The following MARCHF6 variants were observed in gnomAD, a reference collection of about 807,000 sequenced individuals.
The protein encoded by MARCHF6 is membrane associated ring-CH-type finger 6, also known as E3 ubiquitin-protein ligase MARCHF6.
In MARCHF6, 31 loss-of-function variants were observed where a neutral mutation model predicts 133.7. The observed-to-expected ratio is 0.23, with a 90% CI of 0.17 to 0.31. The LOEUF (loss-of-function observed/expected upper bound fraction) is 0.31. Ranked by LOEUF, MARCHF6 falls within the 10% of genes least tolerant of loss-of-function variation. MARCHF6 has a pLI of 1.00. For synonymous variants in MARCHF6, 395 were observed against 402.5 expected (o/e 0.98, Z 0.22); for missense variants, 723 against 1,121.6 (o/e 0.64, Z 5.08).
intron 1 of MARCHF6, among the ~76,000 whole-genome samples, chr5:10,355,116 TAGTAAG>T (rs1428076287): frequency 2.6e-5 from 4 of 152,192 alleles, no homozygotes; most frequent in Non-Finnish European, 5.9e-5. Context: ...TTTACACAGG[TAGTAAG>T]AGGCAGATTT....
chr5:10,429,486 C>T (rs1740261047), intron 24 of MARCHF6, among the ~76,000 whole-genome samples: 1 of 151,568 alleles, frequency 6.6e-6, no homozygotes, highest in Admixed American at 6.6e-5. Flanking sequence ...GCAACCTCCA[C>T]CTCTCAGGTT....
rs1225722536 is a variant in MARCHF6, at chr5:10,435,117, T to G, written c.*1433T>G. On this transcript the variant is annotated 3_prime_UTR_variant, in exon 26 of 26. Transcript: ENST00000274140. ...TAGGTCTTCAGAAACTATAAAAGAATTTTCATATAGTATTAAAATCCATAG... is the reference window on the plus strand; with the variant it reads ...TAGGTCTTCAGAAACTATAAAAGAAGTTTCATATAGTATTAAAATCCATAG... 6.6e-6 allele frequency: 1 copy of G among 152,620 alleles called. No individual in the cohort carries two copies. Among genetic ancestry groups the G allele is most frequent in the African/African-American group, 2.4e-5 (1 of 41,458 alleles). The allele number at this position is 152,620 out of a possible 1,614,324, so 9.5% of individuals were successfully genotyped here.
intron 15 of MARCHF6, among the ~76,000 whole-genome samples, chr5:10,404,389 G>T (rs113417168): frequency 0.053 from 8,007 of 152,078 alleles, 710 homozygotes; most frequent in African/African-American, 0.18. Flanking sequence ...TTAGTTCTAT[G>T]TTTCTAATCT....
chr5:10,422,778 C>T (rs1348123114), intron 22 of MARCHF6, among the ~76,000 whole-genome samples: 1 of 145,058 alleles, frequency 6.9e-6, no homozygotes, highest in Non-Finnish European at 1.5e-5. Context: ...ACAATCTGAG[C>T]AAAGTCCATA....
At position 10,361,580 on chromosome 5, in the gene MARCHF6, A is replaced by C. The variant is rs151045110; in HGVS notation, c.19+7663A>C. Among the ~76,000 whole-genome samples the C allele has an allele frequency of 2.2e-4, 33 of 152,010 alleles. No homozygotes were observed. In the East Asian group the frequency reaches 6.2e-3, roughly 29 times the overall value. On this transcript the variant is annotated intron_variant, in intron 1 of 25. Coordinates refer to ENST00000274140, the MANE Select transcript of MARCHF6 (RefSeq NM_005885.4). ...CTAAGGACCTCATTTTAACTTAATT[A>C]CCTCTTTAAAGATCCTGTCTCCAAA...
intron 24 of MARCHF6, among the ~76,000 whole-genome samples, chr5:10,429,221 A>G (rs911127305): frequency 6.6e-6 from 1 of 152,186 alleles, no homozygotes; most frequent in African/African-American, 2.4e-5. Context: ...CCAAAGAAGT[A>G]TTAAAACTCA....
intron 4 of MARCHF6, among the ~76,000 whole-genome samples, chr5:10,384,405 T>C (rs1737344718): frequency 6.6e-6 from 1 of 151,106 alleles, no homozygotes; most frequent in Non-Finnish European, 1.5e-5. Flanking sequence ...GTATCTAGAG[T>C]ATATAAATCA....
rs917180759 is a variant in MARCHF6 at position 10,353,924 on chromosome 5, C to T, written c.19+7C>T. On this transcript the variant is annotated splice_region_variant and intron_variant, in intron 1 of 25. Coordinates refer to ENST00000274140, the MANE Select transcript of MARCHF6 (RefSeq NM_005885.4). Reference sequence around the variant, plus strand: ...ATGGACACCGCGGAGGAAGGTAAGTCGGCGACGCGCGGCGCCCGAGCCCTT... The same window carrying T: ...ATGGACACCGCGGAGGAAGGTAAGTTGGCGACGCGCGGCGCCCGAGCCCTT... The T allele has an allele frequency of 6.4e-6, 10 of 1,551,618 alleles. No homozygotes were observed. The highest frequency in any genetic ancestry group is 4.2e-5 in the African/African-American group (3 of 72,136).
rs751206175 is a variant in MARCHF6 at position 10,387,016 on chromosome 5, T to C, written c.357T>C (p.Phe119=). The change falls in exon 5 of 26, where the codon TTT becomes TTC. Residue 119 remains phenylalanine (F), a synonymous_variant. Transcript: ENST00000274140. ...LTACRIYKCL[F]TGSVSSLLTL... is the part of the protein sequence containing the mutation. ...TAGGCCGCATCTACAAGTGCTTGTT[T>C]ACTGGCTCCGTGAGCTCACTACTGA... The C allele has an allele frequency of 1.9e-5, 30 of 1,613,240 alleles. No homozygotes were observed. The highest frequency in any genetic ancestry group is 6.7e-5 in the Admixed American group (4 of 60,004).
intron 1 of MARCHF6, among the ~76,000 whole-genome samples, chr5:10,374,185 T>G (rs1212247532): frequency 6.6e-6 from 1 of 152,160 alleles, no homozygotes; most frequent in Non-Finnish European, 1.5e-5. Context: ...ATTAAAACAA[T>G]ATAGAACTCT....
intron 1 of MARCHF6, among the ~76,000 whole-genome samples, chr5:10,365,749 A>C (rs1736105134): frequency 6.6e-6 from 1 of 152,202 alleles, no homozygotes; most frequent in African/African-American, 2.4e-5. Context: ...GTAGCAATTA[A>C]ACACTATCTA....
chr5:10,366,788 A>G (rs910866465), intron 1 of MARCHF6, among the ~76,000 whole-genome samples: 12 of 152,232 alleles, frequency 7.9e-5, no homozygotes, highest in Non-Finnish European at 2.9e-5. Flanking sequence ...AGATGTACCT[A>G]ATCACAAGAA....
intron 22 of MARCHF6, among the ~76,000 whole-genome samples, chr5:10,423,444 T>G (rs1298568759): frequency 6.6e-6 from 1 of 152,236 alleles, no homozygotes; most frequent in Non-Finnish European, 1.5e-5. Flanking sequence ...GGCATTTATT[T>G]TATTTGCTTT....
At position 10,405,157 on chromosome 5, in the gene MARCHF6, G is replaced by A. The variant is rs779187400; in HGVS notation, c.1333-401G>A. 1.2e-3 allele frequency among the ~76,000 whole-genome samples: 183 copies of A among 152,248 alleles called. 1 individual carries two copies. Among genetic ancestry groups the A allele is most frequent in the Non-Finnish European group, 2.5e-3 (167 of 68,012 alleles). On this transcript the variant is annotated intron_variant, in intron 15 of 25. Transcript: ENST00000274140. ...CTCCTCCTTTACCCCATCACCTGCA[G>A]CCTCTTGGGTGATGATTTTCATTTA...
chr5:10,380,376 C>G (rs1737060619), intron 3 of MARCHF6, among the ~76,000 whole-genome samples: 1 of 152,160 alleles, frequency 6.6e-6, no homozygotes, highest in Non-Finnish European at 1.5e-5. Flanking sequence ...AGCTGTACAG[C>G]TTGTCAAGAT....
chr5:10,417,582 T>TG, intron 22 of MARCHF6, 178 bp downstream of exon 22: 1 of 715,064 alleles, frequency 1.4e-6, no homozygotes, highest in East Asian at 2.8e-5. Context: ...CTAGTCTCTA[T>TG]AAAAAATTGG....
chr5:10,383,455 G>C (rs1169324366), intron 4 of MARCHF6, among the ~76,000 whole-genome samples: 4 of 152,142 alleles, frequency 2.6e-5, no homozygotes, highest in African/African-American at 4.8e-5. Flanking sequence ...TGGTGATAGA[G>C]GTATAGAGAT....
At chr5:10,385,297 A>G (rs1737400160) in intron 4 of MARCHF6, among the ~76,000 whole-genome samples, 1 of 152,208 alleles carries the variant, frequency 6.6e-6, no homozygotes, top group Admixed American at 6.5e-5. Context: ...ACCCATCTGT[A>G]CACTTAAGAT....
Position 10,400,605 on chromosome 5 carries a change from A to G in MARCHF6, c.914-179A>G, listed in dbSNP as rs116733390. Among the ~76,000 whole-genome samples the G allele has an allele frequency of 5.4e-3, 819 of 152,074 alleles. 3 individuals are homozygous for G. The highest frequency in any genetic ancestry group is 0.019 in the African/African-American group (795 of 41,470). ...TGTTGATTTGGCATGGCCCTATTAG[A>G]CCTTAATAGCTTTGTTGTTCTCTAG... On this transcript the variant is annotated intron_variant, in intron 10 of 25. Transcript: ENST00000274140.
Sources: allele counts gnomAD v4.1 joint callset (sites outside exome capture counted in the v4.1 genomes callset), GRCh38; gene constraint gnomAD v4.1.1; transcripts MANE v1.5; gene names NCBI Gene and HGNC (gene_info 2026-07-23, HGNC 2026-07-21).